Variants in THSD4 observed in about 807,000 individuals in gnomAD.
The protein encoded by THSD4 is thrombospondin type-1 domain-containing protein 4.
THSD4 carries 69 observed loss-of-function variants against 119.0 expected under a neutral mutation model. That is an observed-to-expected ratio of 0.58 (90% CI 0.48 to 0.71). THSD4 has a LOEUF of 0.71. THSD4 is among the 30% of genes least tolerant of loss of function. THSD4 has a pLI of 0.00. For missense variants in THSD4, 1,393 were observed against 1,391.1 expected, an observed-to-expected ratio of 1.00 and a Z score of -0.02; for synonymous variants, 524 against 540.4, an observed-to-expected ratio of 0.97 and a Z score of 0.42.
At chr15:71,641,838 T>A (rs1201874924) in intron 7 of THSD4, among the ~76,000 whole-genome samples, 3 of 151,794 alleles carry the variant, frequency 2.0e-5, no homozygotes, top group Non-Finnish European at 4.4e-5. Context: ...AAAAAAAAAA[T>A]TGATACCTAT....
chr15:71,205,910 G>A (rs1426198666), intron 3 of THSD4, among the ~76,000 whole-genome samples: 3 of 113,922 alleles, frequency 2.6e-5, no homozygotes, highest in Middle Eastern at 0.016. Flanking sequence ...GTTTGCTGTT[G>A]TCGCCCAGGC....
At chr15:71,341,647 A>G (rs2045579049) in intron 6 of THSD4, 1 of 1,537,434 alleles carries the variant, frequency 6.5e-7, no homozygotes, top group Non-Finnish European at 9.0e-7. Context: ...AGTGAACACG[A>G]AGATTGGAAC....
At chr15:71,401,060 G>C (rs1457360341) in intron 6 of THSD4, among the ~76,000 whole-genome samples, 1 of 152,102 alleles carries the variant, frequency 6.6e-6, no homozygotes, top group African/African-American at 2.4e-5. Flanking sequence ...CTTGAACCTC[G>C]TTTCCTTCCA....
chr15:71,597,008 A>C (rs186973186), intron 7 of THSD4, among the ~76,000 whole-genome samples: 1 of 152,216 alleles, frequency 6.6e-6, no homozygotes, highest in African/African-American at 2.4e-5. Context: ...TTGCTAAACC[A>C]AAATATTTAA....
intron 6 of THSD4, among the ~76,000 whole-genome samples, chr15:71,261,944 A>G (rs1229963666): frequency 2.6e-5 from 4 of 152,114 alleles, no homozygotes; most frequent in Non-Finnish European, 5.9e-5. Context: ...TGCTGCTAAG[A>G]TTGTTTTCTT....
chr15:71,361,185 A>G (rs2045888063), intron 6 of THSD4, among the ~76,000 whole-genome samples: 1 of 152,214 alleles, frequency 6.6e-6, no homozygotes, highest in African/African-American at 2.4e-5. Context: ...ATGGGGAGCC[A>G]CTGAAGGAGA....
intron 6 of THSD4, among the ~76,000 whole-genome samples, chr15:71,327,868 C>G (rs1212603095): frequency 2.0e-5 from 3 of 152,116 alleles, no homozygotes; most frequent in African/African-American, 7.2e-5. Context: ...CAATGTAGGG[C>G]CTAGGACACC....
chr15:71,296,160 C>T (rs894831172), intron 6 of THSD4, among the ~76,000 whole-genome samples: 6 of 152,150 alleles, frequency 3.9e-5, no homozygotes, highest in East Asian at 3.8e-4. Flanking sequence ...ATTTCTCTTG[C>T]GTATATACCT....
chr15:71,528,434 C>T lies in THSD4; in HGVS notation c.1152+116611C>T, dbSNP rs146541613. Among the ~76,000 whole-genome samples the T allele has an allele frequency of 9.3e-3, 1,419 of 152,252 alleles. 27 individuals are homozygous for T. The highest frequency in any genetic ancestry group is 0.032 in the African/African-American group (1,343 of 41,548). On this transcript the variant is annotated intron_variant, in intron 7 of 17. Coordinates refer to ENST00000261862, the MANE Select transcript of THSD4 (RefSeq NM_024817.3). ...CGTGGGAAGCAGTATGGGGGAAGTA[C>T]GTGGACTTGGATAGCACTCAAACCA...
intron 7 of THSD4, among the ~76,000 whole-genome samples, chr15:71,639,151 T>G (rs1321562801): frequency 1.3e-5 from 2 of 152,202 alleles, no homozygotes; most frequent in African/African-American, 4.8e-5. Flanking sequence ...TAATCCTCCA[T>G]GTACCCAAAA....
chr15:71,164,798 T>A lies in THSD4; in HGVS notation c.99+9866T>A. 3 of 1,592,124 alleles carry A rather than the reference T, an allele frequency of 1.9e-6. No individual in the cohort carries two copies. In the South Asian group the frequency reaches 3.5e-5, roughly 18 times the overall value. ...TTCATCATCATCATCTTCTTCTTCA[T>A]CTTCATCTTCTTCATCTTCCTCCTC... On this transcript the variant is annotated intron_variant, in intron 3 of 17. Transcript: ENST00000261862.
At chr15:71,286,062 C>T (rs2044714103) in intron 6 of THSD4, among the ~76,000 whole-genome samples, 1 of 151,934 alleles carries the variant, frequency 6.6e-6, no homozygotes, top group Admixed American at 6.6e-5. Flanking sequence ...TTGTTCTACG[C>T]ATCTTAGATT....
intron 7 of THSD4, among the ~76,000 whole-genome samples, chr15:71,427,868 T>C (rs989631495): frequency 1.3e-5 from 2 of 151,950 alleles, no homozygotes; most frequent in Admixed American, 1.3e-4. Flanking sequence ...ATGTCCAACA[T>C]TAAAACAGAT....
At chr15:71,776,025 G>C (rs149106545) in intron 17 of THSD4, among the ~76,000 whole-genome samples, 80 of 152,220 alleles carry the variant, frequency 5.3e-4, no homozygotes, top group African/African-American at 1.9e-3. Flanking sequence ...CAAGAAAACT[G>C]AACTCCCTCC....
chr15:71,350,498 T>C (rs1229283394), intron 6 of THSD4, among the ~76,000 whole-genome samples: 1 of 152,196 alleles, frequency 6.6e-6, no homozygotes, highest in African/African-American at 2.4e-5. Context: ...CCTCTGGCTC[T>C]CTGGCACATA....
At chr15:71,692,340 A>G (rs1030630953) in intron 8 of THSD4, among the ~76,000 whole-genome samples, 6 of 152,256 alleles carry the variant, frequency 3.9e-5, no homozygotes, top group African/African-American at 1.4e-4. Context: ...GCATCCCTCA[A>G]AACACGAGAG....
chr15:71,414,457 T>A (rs2046731821), intron 7 of THSD4, among the ~76,000 whole-genome samples: 1 of 152,220 alleles, frequency 6.6e-6, no homozygotes, highest in African/African-American at 2.4e-5. Flanking sequence ...GGGAATCCGC[T>A]TTTCTAACAA....
intron 3 of THSD4, among the ~76,000 whole-genome samples, chr15:71,176,182 C>A (rs1242479348): frequency 7.0e-6 from 1 of 142,508 alleles, no homozygotes; most frequent in Non-Finnish European, 1.5e-5. Context: ...AATTAAAAGA[C>A]ACAGACTGGC....
chr15:71,660,865 A>G (rs2051292695), intron 8 of THSD4, 131 bp downstream of exon 8: 1 of 993,238 alleles, frequency 1.0e-6, no homozygotes. Context: ...GGGAATGTCA[A>G]AGTACCACCT....
Sources: gnomAD v4.1 joint callset for allele counts (sites outside exome capture counted in the v4.1 genomes callset) on GRCh38, gnomAD v4.1.1 for gene constraint, MANE v1.5 for transcripts, NCBI Gene and HGNC (gene_info 2026-07-23, HGNC 2026-07-21) for gene names.